CACNB2: variants seen among roughly 807,000 people sequenced by gnomAD.
The protein encoded by CACNB2 is calcium voltage-gated channel auxiliary subunit beta 2, also known as voltage-dependent L-type calcium channel subunit beta-2.
CACNB2 carries 42 observed loss-of-function variants against 73.3 expected under a neutral mutation model. That is an observed-to-expected ratio of 0.57 (90% CI 0.45 to 0.74). The LOEUF is 0.74. Among genes scored for constraint, CACNB2 ranks in the 30% least tolerant of loss-of-function variants. The pLI is 0.00. For missense variants in CACNB2, 940 were observed against 853.0 expected (o/e 1.10, Z -1.27); for synonymous variants, 348 against 310.3 (o/e 1.12, Z -1.28).
At chr10:18,388,209 C>T (rs2132427703) in intron 2 of CACNB2, among the ~76,000 whole-genome samples, 1 of 152,292 alleles carries the variant, frequency 6.6e-6, no homozygotes, top group East Asian at 1.9e-4. Context: ...GATGCTTTTT[C>T]ATTTGCAAGA....
At chr10:18,151,256 A>T in intron 2 of CACNB2, 2 of 323,444 alleles carry the variant, frequency 6.2e-6, no homozygotes, top group South Asian at 4.9e-5. Flanking sequence ...AGAAATGATT[A>T]TGGATTTGGG....
intron 2 of CACNB2, among the ~76,000 whole-genome samples, chr10:18,270,613 A>G (rs2131640194): frequency 6.6e-6 from 1 of 152,176 alleles, no homozygotes; most frequent in East Asian, 1.9e-4. Flanking sequence ...CAGCACCTTC[A>G]TCCTCTGGAG....
chr10:18,487,539 G>C (rs556658719), intron 3 of CACNB2, among the ~76,000 whole-genome samples: 5 of 152,238 alleles, frequency 3.3e-5, no homozygotes, highest in Admixed American at 2.0e-4. Context: ...GCCTTCTCAA[G>C]ATGAGTGATT....
chr10:18,404,774 CT>C (rs2044193429), intron 3 of CACNB2, among the ~76,000 whole-genome samples: 1 of 152,180 alleles, frequency 6.6e-6, no homozygotes. Context: ...GAGATACTGT[CT>C]TTTAAAATTT....
chr10:18,534,166 C>T lies in CACNB2; in HGVS notation c.1145C>T (p.Ala382Val). Residue 382 changes from alanine to valine, a missense_variant, in exon 11 of 14, where the codon GCT becomes GTT. Ala to Val is a moderately conservative substitution (Grantham distance 64). Coordinates refer to ENST00000324631, the MANE Select transcript of CACNB2 (RefSeq NM_201596.3). ...GACGCGGATACAATTAATCATCCAG[C>T]TCAACTCAGTAAAACCTCCTTGGCC... ...VLDADTINHPAQLSKTSLAPI... is the reference protein window; with the variant it reads ...VLDADTINHPVQLSKTSLAPI... 6.2e-7 allele frequency: 1 copy of T among 1,613,690 alleles called. No homozygotes were observed.
chr10:18,490,552 A>G (rs2049350833), intron 3 of CACNB2, among the ~76,000 whole-genome samples: 3 of 152,208 alleles, frequency 2.0e-5, no homozygotes, highest in African/African-American at 4.8e-5. Flanking sequence ...AGCAGACTCC[A>G]GGTCTCACAC....
chr10:18,282,964 A>G (rs891535557), intron 2 of CACNB2, among the ~76,000 whole-genome samples: 3 of 152,228 alleles, frequency 2.0e-5, no homozygotes, highest in Non-Finnish European at 4.4e-5. Context: ...AACTCAAACA[A>G]ATTTACAAGA....
At chr10:18,249,915 A>C (rs1674516632) in intron 2 of CACNB2, among the ~76,000 whole-genome samples, 2 of 151,930 alleles carry the variant, frequency 1.3e-5, no homozygotes, top group Admixed American at 1.3e-4. Flanking sequence ...CTCCTCCCTA[A>C]ATATTTTTCT....
Position 18,231,571 on chromosome 10 carries a change from G to A in CACNB2, c.213+80596G>A, listed in dbSNP as rs2036226901. Among the ~76,000 whole-genome samples the A allele has an allele frequency of 4.6e-5, 7 of 152,296 alleles. No individual in the cohort carries two copies. In the South Asian group the frequency reaches 1.4e-3, roughly 32 times the overall value. On this transcript the variant is annotated intron_variant, in intron 2 of 13. Transcript: ENST00000324631. Reference sequence around the variant, plus strand: ...TCTCTTTTAGAGAATGTGGCTTATTGTTATCACCTGTTTCTTATCCATTGA... The same window carrying A: ...TCTCTTTTAGAGAATGTGGCTTATTATTATCACCTGTTTCTTATCCATTGA...
At chr10:18,174,524 C>A (rs1321743074) in intron 2 of CACNB2, among the ~76,000 whole-genome samples, 9 of 151,900 alleles carry the variant, frequency 5.9e-5, no homozygotes, top group Non-Finnish European at 1.2e-4. Flanking sequence ...CTCCCTCAGC[C>A]TCCTGAGTAG....
chr10:18,276,058 A>G (rs2038274107), intron 2 of CACNB2, among the ~76,000 whole-genome samples: 1 of 152,240 alleles, frequency 6.6e-6, no homozygotes. Context: ...CATATATTTT[A>G]TAGTAATCTC....
chr10:18,206,470 G>C (rs1028625722), intron 2 of CACNB2: 1 of 152,468 alleles, frequency 6.6e-6, no homozygotes, highest in African/African-American at 2.4e-5. Flanking sequence ...TGGAGCCACA[G>C]AAACAGCAGC....
intron 3 of CACNB2, among the ~76,000 whole-genome samples, chr10:18,475,186 A>C (rs1299052215): frequency 6.6e-6 from 1 of 151,866 alleles, no homozygotes; most frequent in Non-Finnish European, 1.5e-5. Context: ...CCCTGGGGTC[A>C]CACACCTGGA....
chr10:18,455,997 C>A (rs2047259125), intron 3 of CACNB2, among the ~76,000 whole-genome samples: 1 of 152,162 alleles, frequency 6.6e-6, no homozygotes, highest in South Asian at 2.1e-4. Context: ...TGCAGTTACA[C>A]CGGAAATAAG....
At chr10:18,457,574 A>G (rs1422464339) in intron 3 of CACNB2, among the ~76,000 whole-genome samples, 2 of 152,156 alleles carry the variant, frequency 1.3e-5, no homozygotes, top group Admixed American at 1.3e-4. Flanking sequence ...AGTCTTTTAC[A>G]TTAACTTTTT....
At chr10:18,461,570 G>T (rs900913331) in intron 3 of CACNB2, among the ~76,000 whole-genome samples, 1 of 151,470 alleles carries the variant, frequency 6.6e-6, no homozygotes. Flanking sequence ...TGGGGAGGGG[G>T]TGGGAGATGG....
At chr10:18,420,313 A>G (rs1013810488) in intron 3 of CACNB2, among the ~76,000 whole-genome samples, 16 of 119,862 alleles carry the variant, frequency 1.3e-4, no homozygotes, top group South Asian at 1.2e-3. Context: ...ATAAACACAC[A>G]TACACACACA....
intron 3 of CACNB2, among the ~76,000 whole-genome samples, chr10:18,440,670 G>C (rs1231416875): frequency 6.6e-6 from 1 of 152,108 alleles, no homozygotes; most frequent in Admixed American, 6.5e-5. Context: ...TTCTGTGAAG[G>C]TGACATTTGA....
intron 2 of CACNB2, among the ~76,000 whole-genome samples, chr10:18,348,973 C>T (rs1417107557): frequency 6.6e-6 from 1 of 152,138 alleles, no homozygotes; most frequent in African/African-American, 2.4e-5. Flanking sequence ...TTTTAAAAAT[C>T]AGCCACATGT....
Sources: gnomAD v4.1 joint callset for allele counts (sites outside exome capture counted in the v4.1 genomes callset) on GRCh38, gnomAD v4.1.1 for gene constraint, MANE v1.5 for transcripts, NCBI Gene and HGNC (gene_info 2026-07-23, HGNC 2026-07-21) for gene names.